RIMS1: variants seen among roughly 807,000 people sequenced by gnomAD.
RIMS1 encodes the protein regulating synaptic membrane exocytosis protein 1.
Under a neutral mutation model 214.1 loss-of-function variants are expected in RIMS1, and 83 were observed. That is an observed-to-expected ratio of 0.39 (90% confidence interval 0.32 to 0.47). The LOEUF (loss-of-function observed/expected upper bound fraction) is 0.47, where lower values mean the gene tolerates loss of function less well. Among genes scored for constraint, RIMS1 ranks in the 20% least tolerant of loss-of-function variants. RIMS1 has a pLI of 0.99. For missense variants in RIMS1, 2,050 were observed against 2,161.8 expected (o/e 0.95, Z 1.03); for synonymous variants, 793 against 786.8 (o/e 1.01, Z -0.13).
At chr6:72,008,912 C>G (rs1809046094) in intron 2 of RIMS1, among the ~76,000 whole-genome samples, 1 of 152,112 alleles carries the variant, frequency 6.6e-6, no homozygotes, top group Admixed American at 6.5e-5. Flanking sequence ...TTAGACAGAT[C>G]AACGAGACAG....
chr6:72,204,975 T>C (rs1045254322), intron 6 of RIMS1, among the ~76,000 whole-genome samples: 1 of 152,160 alleles, frequency 6.6e-6, no homozygotes, highest in African/African-American at 2.4e-5. Context: ...TGGGAAAAAT[T>C]ACTTAGGTCA....
Position 72,358,367 on chromosome 6 carries a change from CT to C in RIMS1, c.4366+24540del, listed in dbSNP as rs1215249154. Among the ~76,000 whole-genome samples, 7 of 151,554 alleles carry C rather than the reference CT, an allele frequency of 4.6e-5. No individual in the cohort carries two copies. The East Asian group carries it at 5.8e-4, about 13-fold the overall frequency. Reference sequence around the variant, plus strand: ...TCTTTTTTTAAGTGAGTACTTTTCTCTTTTTTTTAGTGAGTATTTTTCTAAT... The same window carrying C: ...TCTTTTTTTAAGTGAGTACTTTTCTCTTTTTTTAGTGAGTATTTTTCTAAT... On this transcript the variant is annotated intron_variant, in intron 29 of 33. Coordinates refer to ENST00000521978, the MANE Select transcript of RIMS1 (RefSeq NM_014989.7).
chr6:71,946,597 AAACCCTCATTTC>A (rs1424959793), intron 1 of RIMS1, among the ~76,000 whole-genome samples: 1 of 152,158 alleles, frequency 6.6e-6, no homozygotes, highest in Non-Finnish European at 1.5e-5. Context: ...GAAAGAAATT[AAACCCTCATTTC>A]ACACCATATA....
chr6:72,205,023 CT>C (rs1297000976), intron 6 of RIMS1, among the ~76,000 whole-genome samples: 3 of 152,050 alleles, frequency 2.0e-5, no homozygotes, highest in Non-Finnish European at 4.4e-5. Flanking sequence ...ACATTATTTA[CT>C]TTGTTTCTTG....
chr6:72,331,953 A>C (rs1174052068), intron 28 of RIMS1, among the ~76,000 whole-genome samples: 2 of 151,836 alleles, frequency 1.3e-5, no homozygotes, highest in African/African-American at 4.8e-5. Flanking sequence ...CAATCCATGA[A>C]GGATCCTAAG....
intron 1 of RIMS1, among the ~76,000 whole-genome samples, chr6:71,926,792 T>A (rs1781701822): frequency 6.6e-6 from 1 of 152,118 alleles, no homozygotes; most frequent in Admixed American, 6.6e-5. Flanking sequence ...ACTACATAGG[T>A]ACGATTCATG....
intron 2 of RIMS1, among the ~76,000 whole-genome samples, chr6:72,040,281 T>A (rs1821076559): frequency 1.3e-5 from 2 of 152,032 alleles, no homozygotes; most frequent in African/African-American, 4.8e-5. Flanking sequence ...TAGAACCTGG[T>A]GTCCAGTTAC....
intron 26 of RIMS1, among the ~76,000 whole-genome samples, chr6:72,305,804 G>A (rs2095098638): frequency 6.6e-6 from 1 of 152,058 alleles, no homozygotes; most frequent in African/African-American, 2.4e-5. Context: ...TATTAAAGCA[G>A]GGGTGTATCA....
chr6:71,975,783 G>A (rs1796971868), intron 2 of RIMS1, among the ~76,000 whole-genome samples: 1 of 151,998 alleles, frequency 6.6e-6, no homozygotes, highest in South Asian at 2.1e-4. Flanking sequence ...ATTTATGAGT[G>A]TGCCTATTCT....
At chr6:72,179,345 G>GA (rs2048143435) in intron 4 of RIMS1, 11 of 534,194 alleles carry the variant, frequency 2.1e-5, no homozygotes, top group South Asian at 1.5e-4. Flanking sequence ...GAAATGCTGA[G>GA]AAAAAACCTC....
chr6:72,146,064 G>A (rs2042706731), intron 4 of RIMS1, among the ~76,000 whole-genome samples: 1 of 152,106 alleles, frequency 6.6e-6, no homozygotes, highest in Admixed American at 6.5e-5. Context: ...AATATTTTAA[G>A]CAAAAAGTAA....
chr6:72,245,905 T>C (rs528474158), intron 11 of RIMS1, 44 bp downstream of exon 11: 16 of 1,345,756 alleles, frequency 1.2e-5, no homozygotes, highest in Non-Finnish European at 1.6e-5. Flanking sequence ...ATTGAACTAA[T>C]TGAAAGTAAA....
At chr6:72,261,320 A>G (rs1305032800) in intron 19 of RIMS1, 4 of 991,520 alleles carry the variant, frequency 4.0e-6, no homozygotes, top group Non-Finnish European at 4.8e-6. Context: ...GATCTTAACT[A>G]TCCTAGCCCA....
chr6:72,388,983 T>G (rs756951631), intron 29 of RIMS1, among the ~76,000 whole-genome samples: 4 of 152,172 alleles, frequency 2.6e-5, no homozygotes, highest in Non-Finnish European at 5.9e-5. Flanking sequence ...GATGTATATT[T>G]GGGAGGCACA....
intron 29 of RIMS1, among the ~76,000 whole-genome samples, chr6:72,380,089 C>A (rs2098459585): frequency 6.6e-6 from 1 of 152,066 alleles, no homozygotes; most frequent in Non-Finnish European, 1.5e-5. Flanking sequence ...GAGTTCATGT[C>A]CTTTGTAGGG....
At chr6:72,068,501 G>A (rs1272584689) in intron 2 of RIMS1, among the ~76,000 whole-genome samples, 2 of 152,194 alleles carry the variant, frequency 1.3e-5, no homozygotes, top group Non-Finnish European at 2.9e-5. Flanking sequence ...AAAGCTGGGA[G>A]AAGTGGAGGA....
chr6:72,154,202 T>A (rs1246850006), intron 4 of RIMS1, among the ~76,000 whole-genome samples: 2 of 96,518 alleles, frequency 2.1e-5, no homozygotes, highest in African/African-American at 2.8e-5. Flanking sequence ...AAAAGTTATG[T>A]GTTTTACAGA....
At chr6:72,132,440 C>A (rs897114856) in intron 4 of RIMS1, among the ~76,000 whole-genome samples, 3 of 152,152 alleles carry the variant, frequency 2.0e-5, no homozygotes, top group African/African-American at 7.2e-5. Context: ...GAAAATATCA[C>A]CAGTTGTTGA....
At chr6:72,248,952 A>C (rs527572083) in intron 12 of RIMS1, among the ~76,000 whole-genome samples, 1 of 152,100 alleles carries the variant, frequency 6.6e-6, no homozygotes, top group Non-Finnish European at 1.5e-5. Flanking sequence ...TCTTCAGTGT[A>C]TGTGTAAATC....
Sources: allele counts gnomAD v4.1 joint callset (sites outside exome capture counted in the v4.1 genomes callset), GRCh38; gene constraint gnomAD v4.1.1; transcripts MANE v1.5; gene names NCBI Gene and HGNC (gene_info 2026-07-23, HGNC 2026-07-21).